The following ARID5B variants were observed in gnomAD, a reference collection of about 807,000 sequenced individuals.
The protein encoded by ARID5B is AT-rich interactive domain-containing protein 5B.
A neutral mutation model predicts 97.2 loss-of-function variants in ARID5B; 13 were observed. The observed-to-expected ratio is 0.13, with a 90% CI of 0.09 to 0.21. ARID5B has a LOEUF of 0.21. ARID5B is among the 10% of genes least tolerant of loss of function. ARID5B has a pLI of 1.00. For synonymous variants in ARID5B, 556 were observed against 570.3 expected, an observed-to-expected ratio of 0.97 and a Z score of 0.36; for missense variants, 1,210 against 1,465.3, an observed-to-expected ratio of 0.83 and a Z score of 2.84.
chr10:61,918,387 G>A (rs1056602133), intron 2 of ARID5B, among the ~76,000 whole-genome samples: 10 of 152,092 alleles, frequency 6.6e-5, no homozygotes, highest in Non-Finnish European at 1.5e-4. Context: ...GATGCTTATG[G>A]GCATAGAGCA....
chr10:62,004,012 T>C (rs1056844361), intron 4 of ARID5B, among the ~76,000 whole-genome samples: 4 of 152,240 alleles, frequency 2.6e-5, no homozygotes, highest in African/African-American at 9.6e-5. Flanking sequence ...AAAAATAGAA[T>C]AGATGAAATT....
chr10:61,905,899 A>C (rs1182360864), intron 2 of ARID5B, among the ~76,000 whole-genome samples: 2 of 152,222 alleles, frequency 1.3e-5, no homozygotes, highest in Admixed American at 6.5e-5. Context: ...GATGGTGATG[A>C]TTTATATGCT....
At chr10:61,932,147 G>A (rs1436054728) in intron 2 of ARID5B, among the ~76,000 whole-genome samples, 1 of 152,116 alleles carries the variant, frequency 6.6e-6, no homozygotes, top group Non-Finnish European at 1.5e-5. Flanking sequence ...TGGTTTCCTA[G>A]CGCGTATAAA....
intron 9 of ARID5B, 126 bp downstream of exon 9, chr10:62,086,026 CT>C: frequency 1.0e-6 from 1 of 998,396 alleles, no homozygotes; most frequent in Non-Finnish European, 1.5e-6. Context: ...ACCAAGAAAT[CT>C]AAGCTTCACA....
At position 61,975,550 on chromosome 10, in the gene ARID5B, CT is replaced by C. The variant is rs143187682; in HGVS notation, c.503-24531del. On this transcript the variant is annotated intron_variant, in intron 3 of 9. Transcript: ENST00000279873. ...GACAAGTCACTGAGTCTCCGATCCT[CT>C]TTTTTTTTTGGCTACCAGTAAACTG... is the stretch of plus-strand genomic sequence containing the variant. 5.6e-3 allele frequency among the ~76,000 whole-genome samples: 831 copies of C among 147,878 alleles called. 4 individuals are homozygous for C. The highest frequency in any genetic ancestry group is 0.015 in the South Asian group (69 of 4,694).
At chr10:62,027,008 A>G (rs17216048) in intron 4 of ARID5B, among the ~76,000 whole-genome samples, 6,717 of 152,306 alleles carry the variant, frequency 0.044, 186 homozygotes, top group Middle Eastern at 0.071. Flanking sequence ...CCAAAGATGA[A>G]ACATATGCAT....
intron 4 of ARID5B, among the ~76,000 whole-genome samples, chr10:62,016,734 G>T (rs1371374710): frequency 6.6e-6 from 1 of 152,226 alleles, no homozygotes; most frequent in Non-Finnish European, 1.5e-5. Context: ...ATGAGTGGAA[G>T]AAATATTTTG....
chr10:62,094,304 C>T lies in ARID5B; in HGVS notation c.*1274C>T, dbSNP rs149783765. ...GCAGTCCTGATAGCTTCTCTAGCCTCGGTCTTTTGAGTGATAAGTAGTCAT... is the reference window on the plus strand; with the variant it reads ...GCAGTCCTGATAGCTTCTCTAGCCTTGGTCTTTTGAGTGATAAGTAGTCAT... On this transcript the variant is annotated 3_prime_UTR_variant, in exon 10 of 10. Coordinates refer to ENST00000279873, the MANE Select transcript of ARID5B (RefSeq NM_032199.3). 1.7e-4 allele frequency: 40 copies of T among 231,232 alleles called. No individual in the cohort carries two copies. The highest frequency in any genetic ancestry group is 7.9e-4 in the African/African-American group (36 of 45,352). The allele number at this position is 231,232 out of a possible 1,614,324, so 14.3% of individuals were successfully genotyped here.
intron 4 of ARID5B, among the ~76,000 whole-genome samples, chr10:62,030,397 C>A (rs113899101): frequency 0.013 from 2,026 of 152,286 alleles, 42 homozygotes; most frequent in African/African-American, 0.046. Flanking sequence ...TCCCAAAGTG[C>A]TGGGATTACA....
At chr10:61,924,816 A>G (rs150888113) in intron 2 of ARID5B, among the ~76,000 whole-genome samples, 48 of 152,274 alleles carry the variant, frequency 3.2e-4, no homozygotes, top group African/African-American at 1.0e-3. Flanking sequence ...TCATACACCA[A>G]CAGGGGCCAA....
chr10:62,086,860 C>CA (rs1159243637), intron 9 of ARID5B, among the ~76,000 whole-genome samples: 2 of 115,616 alleles, frequency 1.7e-5, no homozygotes, highest in Admixed American at 8.4e-5. Flanking sequence ...AGCCGTGTCT[C>CA]AAAAAAAATG....
intron 2 of ARID5B, among the ~76,000 whole-genome samples, chr10:61,926,046 G>T (rs575000433): frequency 6.6e-6 from 1 of 152,298 alleles, no homozygotes; most frequent in South Asian, 2.1e-4. Flanking sequence ...ATACACTAAA[G>T]AGCCTCCGTG....
intron 2 of ARID5B, among the ~76,000 whole-genome samples, chr10:61,903,246 C>A (rs1197030242): frequency 6.6e-6 from 1 of 151,986 alleles, no homozygotes; most frequent in Non-Finnish European, 1.5e-5. Flanking sequence ...TTCTCCGTGC[C>A]CAGACGGCGC....
chr10:61,909,089 A>C (rs1408652907), intron 2 of ARID5B, among the ~76,000 whole-genome samples: 1 of 152,188 alleles, frequency 6.6e-6, no homozygotes, highest in Non-Finnish European at 1.5e-5. Flanking sequence ...CTGGGGATGC[A>C]GCATGAACAA....
intron 2 of ARID5B, among the ~76,000 whole-genome samples, chr10:61,915,006 A>G (rs1439170392): frequency 6.6e-6 from 1 of 152,236 alleles, no homozygotes; most frequent in African/African-American, 2.4e-5. Context: ...GGTTTTCACT[A>G]TATACTGATG....
intron 5 of ARID5B, among the ~76,000 whole-genome samples, chr10:62,053,478 A>C (rs2132934642): frequency 6.6e-6 from 1 of 152,338 alleles, no homozygotes; most frequent in Non-Finnish European, 1.5e-5. Flanking sequence ...CTCCCCAAAG[A>C]CAGCAAGTGT....
chr10:61,972,225 C>CTTTTTT (rs71022106), intron 3 of ARID5B, among the ~76,000 whole-genome samples: 3 of 112,704 alleles, frequency 2.7e-5, no homozygotes, highest in Non-Finnish European at 5.2e-5. Context: ...TTATATCATG[C>CTTTTTT]TTTTTTTTTT....
chr10:61,994,757 A>C (rs940685866), intron 3 of ARID5B, among the ~76,000 whole-genome samples: 3 of 151,992 alleles, frequency 2.0e-5, no homozygotes, highest in African/African-American at 7.3e-5. Flanking sequence ...AATAAGTAAA[A>C]AATTGACATT....
chr10:61,982,251 G>T (rs933882059), intron 3 of ARID5B, among the ~76,000 whole-genome samples: 1 of 152,088 alleles, frequency 6.6e-6, no homozygotes, highest in Non-Finnish European at 1.5e-5. Context: ...AGAATTAAGA[G>T]GGCTGTTATT....
Sources: allele counts gnomAD v4.1 joint callset (sites outside exome capture counted in the v4.1 genomes callset), GRCh38; gene constraint gnomAD v4.1.1; transcripts MANE v1.5; gene names NCBI Gene and HGNC (gene_info 2026-07-23, HGNC 2026-07-21).